LUZP2: variants seen among roughly 807,000 people sequenced by gnomAD.
The protein encoded by LUZP2 is leucine zipper protein 2.
In LUZP2, 52 loss-of-function variants were observed where a neutral mutation model predicts 51.6. The ratio of observed to expected loss-of-function variants is 1.01; its 90% CI spans 0.81 to 1.27. The LOEUF is 1.27. LUZP2 is among the 50% of genes most tolerant of loss of function. The pLI, the probability that LUZP2 is intolerant of heterozygous loss-of-function variation, is 0.00. For missense variants in LUZP2, 436 were observed against 395.4 expected (o/e 1.10, Z -0.87); for synonymous variants, 154 against 137.3 (o/e 1.12, Z -0.85).
intron 5 of LUZP2, among the ~76,000 whole-genome samples, chr11:24,878,809 C>T (rs1462977295): frequency 6.6e-6 from 1 of 151,668 alleles, no homozygotes; most frequent in Non-Finnish European, 1.5e-5. Context: ...TATGCTGTTC[C>T]CCTCCATCTG....
At chr11:24,975,595 A>T (rs894319009) in intron 7 of LUZP2, among the ~76,000 whole-genome samples, 9 of 152,076 alleles carry the variant, frequency 5.9e-5, no homozygotes, top group African/African-American at 2.2e-4. Context: ...TGCTATATGT[A>T]TACAGATAAT....
In LUZP2 at chr11:24,747,971, A is replaced by G. The variant is rs149433885; in HGVS notation, c.333+9669A>G. Among the ~76,000 whole-genome samples the G allele has an allele frequency of 4.5e-4, 68 of 152,248 alleles. No homozygotes were observed. In the East Asian group the frequency reaches 0.012, roughly 27 times the overall value. On this transcript the variant is annotated intron_variant, in intron 4 of 11. Coordinates refer to ENST00000336930, the MANE Select transcript of LUZP2 (RefSeq NM_001009909.4). The stretch of plus-strand genomic sequence containing the variant: ...TGAGCAGAGCTTAAGAACTTACCCC[A>G]GGCTACCCACCTTCCAGCTTTGAAA...
chr11:24,980,803 GA>G (rs1856008546), intron 8 of LUZP2, among the ~76,000 whole-genome samples: 1 of 151,686 alleles, frequency 6.6e-6, no homozygotes, highest in Admixed American at 6.6e-5. Context: ...TGGGTATTTG[GA>G]AGAAGGGTTC....
intron 1 of LUZP2, among the ~76,000 whole-genome samples, chr11:24,597,240 G>A (rs1853473017): frequency 6.6e-6 from 1 of 152,048 alleles, no homozygotes; most frequent in Non-Finnish European, 1.5e-5. Flanking sequence ...TTAGTTATTA[G>A]CATTTGTCTT....
At chr11:24,797,031 C>T (rs546465256) in intron 5 of LUZP2, among the ~76,000 whole-genome samples, 3 of 152,080 alleles carry the variant, frequency 2.0e-5, no homozygotes, top group Non-Finnish European at 4.4e-5. Context: ...TCCCTAGCTG[C>T]GTGACCTTGT....
At chr11:24,500,756 A>C (rs1849969414) in intron 1 of LUZP2, among the ~76,000 whole-genome samples, 1 of 152,178 alleles carries the variant, frequency 6.6e-6, no homozygotes, top group South Asian at 2.1e-4. Context: ...TCCATGAAGC[A>C]AGAACTTTGA....
At chr11:24,695,887 TA>T (rs35765058) in intron 1 of LUZP2, among the ~76,000 whole-genome samples, 6,217 of 144,832 alleles carry the variant, frequency 0.043, 150 homozygotes, top group African/African-American at 0.063. Context: ...TATACTTTTC[TA>T]AAAAAAAAAG....
In LUZP2 at chr11:24,670,289, A is replaced by G. The variant is rs1280374435; in HGVS notation, c.63-58880A>G. On this transcript the variant is annotated intron_variant, in intron 1 of 11. Transcript: ENST00000336930. Reference sequence around the variant, plus strand: ...AGCATTAAGTAATTTTTTAAATGGCAATTATTTTATCTTTTCTTGTGTAAG... The same window carrying G: ...AGCATTAAGTAATTTTTTAAATGGCGATTATTTTATCTTTTCTTGTGTAAG... Among the ~76,000 whole-genome samples, 14 of 152,164 alleles carry G rather than the reference A, an allele frequency of 9.2e-5. No homozygotes were observed. The South Asian group carries it at 1.5e-3, about 16-fold the overall frequency.
At chr11:25,040,343 A>ATTTTTTGTTTTTTTTTT (rs1858012263) in intron 9 of LUZP2, among the ~76,000 whole-genome samples, 1 of 98,828 alleles carries the variant, frequency 1.0e-5, no homozygotes, top group African/African-American at 5.8e-5. Flanking sequence ...TTTCTTTCCG[A>ATTTTTTGTTTTTTTTTT]TTTTTTTTTT....
intron 1 of LUZP2, among the ~76,000 whole-genome samples, chr11:24,586,416 G>A (rs1853068647): frequency 6.6e-6 from 1 of 151,876 alleles, no homozygotes; most frequent in African/African-American, 2.4e-5. Context: ...GACACCTGAA[G>A]AGTTTAATTT....
chr11:24,704,831 T>A (rs1857526697), intron 1 of LUZP2, among the ~76,000 whole-genome samples: 1 of 152,162 alleles, frequency 6.6e-6, no homozygotes, highest in African/African-American at 2.4e-5. Context: ...GTAGCACTCA[T>A]AGTACAGATA....
At chr11:24,987,866 A>C (rs1233144644) in intron 9 of LUZP2, among the ~76,000 whole-genome samples, 1 of 151,976 alleles carries the variant, frequency 6.6e-6, no homozygotes, top group Non-Finnish European at 1.5e-5. Context: ...TTCTGAGCCT[A>C]GGCGGCATCT....
intron 1 of LUZP2, among the ~76,000 whole-genome samples, chr11:24,506,929 C>T (rs1850162067): frequency 6.6e-6 from 1 of 152,004 alleles, no homozygotes; most frequent in Non-Finnish European, 1.5e-5. Context: ...ATCAGTACTA[C>T]AAATAAGAAA....
chr11:24,790,099 A>C (rs992798452), intron 5 of LUZP2, among the ~76,000 whole-genome samples: 1 of 152,090 alleles, frequency 6.6e-6, no homozygotes, highest in African/African-American at 2.4e-5. Context: ...ATGTATCATA[A>C]ATTTCACTCT....
chr11:24,805,430 G>A (rs1012151145), intron 5 of LUZP2, among the ~76,000 whole-genome samples: 4 of 152,096 alleles, frequency 2.6e-5, no homozygotes, highest in African/African-American at 9.7e-5. Context: ...GGCCACGCTG[G>A]TCTCAAACTC....
chr11:24,721,098 A>T (rs1241013942), intron 1 of LUZP2, among the ~76,000 whole-genome samples: 1 of 152,202 alleles, frequency 6.6e-6, no homozygotes, highest in African/African-American at 2.4e-5. Flanking sequence ...ACGACGTTTA[A>T]TGTCACTGAT....
At chr11:24,565,419 G>A (rs181469176) in intron 1 of LUZP2, among the ~76,000 whole-genome samples, 32 of 152,244 alleles carry the variant, frequency 2.1e-4, no homozygotes, top group African/African-American at 7.7e-4. Flanking sequence ...GGACGTGAAG[G>A]TAAATATTTG....
intron 5 of LUZP2, among the ~76,000 whole-genome samples, chr11:24,832,810 A>G (rs1263779507): frequency 6.6e-6 from 1 of 152,114 alleles, no homozygotes; most frequent in Non-Finnish European, 1.5e-5. Flanking sequence ...TTAATGAAAT[A>G]TATCTTTTAT....
At chr11:24,644,849 A>G (rs776621921) in intron 1 of LUZP2, among the ~76,000 whole-genome samples, 43 of 152,224 alleles carry the variant, frequency 2.8e-4, no homozygotes, top group Non-Finnish European at 5.6e-4. Flanking sequence ...TGCTAGAACT[A>G]AGTACAAAGA....
Sources: allele counts gnomAD v4.1 joint callset (sites outside exome capture counted in the v4.1 genomes callset), GRCh38; gene constraint gnomAD v4.1.1; transcripts MANE v1.5; gene names NCBI Gene and HGNC (gene_info 2026-07-23, HGNC 2026-07-21).